Variants in RALGPS1 observed in about 807,000 individuals in gnomAD.
RALGPS1 encodes the protein ras-specific guanine nucleotide-releasing factor RalGPS1.
In RALGPS1, 19 loss-of-function variants were observed where a neutral mutation model predicts 78.8. The observed-to-expected ratio is 0.24, with a 90% CI of 0.17 to 0.35. The LOEUF is 0.35. Among genes scored for constraint, RALGPS1 ranks in the 10% least tolerant of loss-of-function variants. The pLI is 1.00. For missense variants in RALGPS1, 454 were observed against 688.3 expected (o/e 0.66, Z 3.81); for synonymous variants, 228 against 256.3 (o/e 0.89, Z 1.06).
At chr9:126,923,352 C>A (rs991480120) in intron 1 of RALGPS1, among the ~76,000 whole-genome samples, 6 of 152,190 alleles carry the variant, frequency 3.9e-5, no homozygotes, top group African/African-American at 1.4e-4. Flanking sequence ...GGTCCTAACG[C>A]CTCAAGTGCC....
At chr9:127,048,316 T>A (rs1325727890) in intron 5 of RALGPS1, among the ~76,000 whole-genome samples, 1 of 152,182 alleles carries the variant, frequency 6.6e-6, no homozygotes, top group Non-Finnish European at 1.5e-5. Flanking sequence ...TTGTTTAAAG[T>A]CTACCCATCT....
intron 8 of RALGPS1, among the ~76,000 whole-genome samples, chr9:127,164,534 CTTTTTTTTT>C (rs1160251459): frequency 1.6e-5 from 1 of 62,766 alleles, no homozygotes; most frequent in Non-Finnish European, 2.7e-5. Flanking sequence ...CATGCCTGGC[CTTTTTTTTT>C]TTTTTTTTTT....
At chr9:127,191,856 C>T (rs200797186) in intron 11 of RALGPS1, among the ~76,000 whole-genome samples, 1 of 152,094 alleles carries the variant, frequency 6.6e-6, no homozygotes, top group East Asian at 1.9e-4. Context: ...TGCCACCACG[C>T]CCGGCTAATT....
In RALGPS1 at chr9:127,086,972, G is replaced by A. The variant is rs146663178; in HGVS notation, c.610+17616G>A. ...GATGGATTGTCCTTGGCAGGGGAAG[G>A]GAGAGGTCCTTGTTTTTGATCTGAG... On this transcript the variant is annotated intron_variant, in intron 8 of 18. Transcript: ENST00000259351. 1.0e-2 allele frequency among the ~76,000 whole-genome samples: 1,521 copies of A among 152,284 alleles called. 11 individuals are homozygous for A. The highest frequency in any genetic ancestry group is 0.02 in the Middle Eastern group (6 of 294).
chr9:127,210,835 T>C (rs1364878101), intron 14 of RALGPS1: 5 of 1,429,850 alleles, frequency 3.5e-6, no homozygotes, highest in Non-Finnish European at 2.9e-6. Context: ...TGTGGCCTTT[T>C]GGATGCCAAG....
chr9:127,034,349 T>G, intron 4 of RALGPS1, 82 bp from the exon 5 acceptor site: 2 of 1,244,966 alleles, frequency 1.6e-6, no homozygotes, highest in Non-Finnish European at 2.4e-6. Flanking sequence ...CCTTCATGCA[T>G]GCTCATGTTC....
chr9:127,206,970 G>A (rs115763033), intron 14 of RALGPS1, among the ~76,000 whole-genome samples: 3,439 of 152,060 alleles, frequency 0.023, 132 homozygotes, highest in African/African-American at 0.078. Flanking sequence ...ACGTCTCCAA[G>A]CATCAGGTTC....
At chr9:127,198,485 T>A (rs2061455313) in intron 13 of RALGPS1, among the ~76,000 whole-genome samples, 1 of 152,108 alleles carries the variant, frequency 6.6e-6, no homozygotes, top group Non-Finnish European at 1.5e-5. Flanking sequence ...GAAGGAGGAA[T>A]AGGGAGCAAA....
intron 4 of RALGPS1, among the ~76,000 whole-genome samples, chr9:127,005,546 C>T (rs1026753612): frequency 3.9e-5 from 6 of 152,154 alleles, no homozygotes; most frequent in African/African-American, 1.4e-4. Flanking sequence ...CAGAGCCAGG[C>T]CTTGAGTCAC....
intron 1 of RALGPS1, among the ~76,000 whole-genome samples, chr9:126,936,905 T>C (rs2036317025): frequency 6.6e-6 from 1 of 150,480 alleles, no homozygotes; most frequent in African/African-American, 2.5e-5. Context: ...TGGAGTACAG[T>C]GGCATGATAC....
At chr9:126,964,217 G>A (rs951045925) in intron 2 of RALGPS1, among the ~76,000 whole-genome samples, 1 of 151,966 alleles carries the variant, frequency 6.6e-6, no homozygotes, top group East Asian at 1.9e-4. Context: ...AATTAGCCAG[G>A]CATGGTGGCG....
intron 8 of RALGPS1, among the ~76,000 whole-genome samples, chr9:127,114,128 G>A (rs991565437): frequency 2.0e-5 from 3 of 152,164 alleles, no homozygotes; most frequent in Admixed American, 1.3e-4. Context: ...CTCGGAAGGC[G>A]GCCTGTTATT....
At chr9:126,968,476 T>G (rs933104167) in intron 3 of RALGPS1, among the ~76,000 whole-genome samples, 3 of 152,234 alleles carry the variant, frequency 2.0e-5, no homozygotes, top group African/African-American at 7.2e-5. Flanking sequence ...AGGAAGTAAT[T>G]ATAAGAGCAA....
At chr9:127,023,977 C>T (rs1387458968) in intron 4 of RALGPS1, among the ~76,000 whole-genome samples, 1 of 138,668 alleles carries the variant, frequency 7.2e-6, no homozygotes. Flanking sequence ...GCGGAGGTTG[C>T]AGTAAGCTGA....
chr9:127,031,801 G>A (rs932232609), intron 4 of RALGPS1, among the ~76,000 whole-genome samples: 47 of 152,152 alleles, frequency 3.1e-4, no homozygotes, highest in Admixed American at 3.3e-4. Flanking sequence ...ATTCTAGTGC[G>A]AAAGATTCCT....
chr9:127,065,736 G>A (rs1218172072), intron 7 of RALGPS1, among the ~76,000 whole-genome samples: 1 of 151,982 alleles, frequency 6.6e-6, no homozygotes, highest in African/African-American at 2.4e-5. Flanking sequence ...TGCACCAGTT[G>A]TTCTTAAGGC....
At chr9:127,174,236 G>C (rs2059717368) in intron 10 of RALGPS1, among the ~76,000 whole-genome samples, 1 of 146,254 alleles carries the variant, frequency 6.8e-6, no homozygotes, top group Non-Finnish European at 1.5e-5. Context: ...AAGAAAGACA[G>C]AGAGAGAGAG....
chr9:127,186,330 C>T (rs2060639970), intron 11 of RALGPS1, among the ~76,000 whole-genome samples: 1 of 152,214 alleles, frequency 6.6e-6, no homozygotes. Context: ...ATAGTCAAGC[C>T]ACATGGTCAG....
At chr9:127,041,975 A>C (rs1174599644) in intron 5 of RALGPS1, among the ~76,000 whole-genome samples, 3 of 152,226 alleles carry the variant, frequency 2.0e-5, no homozygotes, top group Non-Finnish European at 4.4e-5. Flanking sequence ...GGCAGGGAGT[A>C]GATGGGACCT....
Sources: gnomAD v4.1 joint callset for allele counts (sites outside exome capture counted in the v4.1 genomes callset) on GRCh38, gnomAD v4.1.1 for gene constraint, MANE v1.5 for transcripts, NCBI Gene and HGNC (gene_info 2026-07-23, HGNC 2026-07-21) for gene names.